The following FGFR2 variants were observed in gnomAD, a reference collection of about 807,000 sequenced individuals.
FGFR2 encodes fibroblast growth factor receptor 2.
FGFR2 carries 19 observed loss-of-function variants against 95.9 expected under a neutral mutation model. That is an observed-to-expected ratio of 0.20 (90% CI 0.14 to 0.29). FGFR2 has a LOEUF of 0.29. Ranked by LOEUF, FGFR2 falls within the 10% of genes least tolerant of loss-of-function variation. The probability of loss-of-function intolerance (pLI) is 1.00; values close to 1 mark genes in which losing one functional copy is unlikely to be tolerated. For synonymous variants in FGFR2, 392 were observed against 393.3 expected (o/e 1.00, Z 0.04); for missense variants, 707 against 1,056.9 (o/e 0.67, Z 4.59).
rs1298138650 is a variant in FGFR2, at chr10:121,593,721, A to T, written c.97T>A (p.Leu33Ile). The T allele has an allele frequency of 2.5e-6, 4 of 1,613,866 alleles. No individual in the cohort carries two copies. The highest frequency in any genetic ancestry group is 3.4e-6 in the Non-Finnish European group (4 of 1,179,876). ...PSFSLVEDTT[L>I]EPEEPPTKYQ... The stretch of plus-strand genomic sequence containing the variant: ...TTAAATGACTTACCTTCTGGCTCTA[A>T]TGTGGTATCCTCAACTAAACTGAAG... Residue 33 changes from leucine to isoleucine, a missense_variant, in exon 2 of 18, where the codon TTA becomes ATA. Around this residue, in one of 7 missense-constraint regions of FGFR2, gnomAD observed 178 missense variants for 194.1 expected, o/e 0.92. Coordinates refer to ENST00000358487, the MANE Select transcript of FGFR2 (RefSeq NM_000141.5).
intron 5 of FGFR2, among the ~76,000 whole-genome samples, chr10:121,547,396 T>G (rs1053155992): frequency 1.4e-5 from 2 of 147,228 alleles, no homozygotes; most frequent in African/African-American, 2.7e-5. Context: ...GGTACCTTTT[T>G]TTTCTTTTTT....
chr10:121,590,991 A>G (rs553349888), intron 2 of FGFR2, among the ~76,000 whole-genome samples: 15 of 138,526 alleles, frequency 1.1e-4, no homozygotes, highest in African/African-American at 3.0e-4. Flanking sequence ...GCACTCGCGC[A>G]CACACACACA....
rs2133824809 is a variant in FGFR2, at chr10:121,487,407, C to T, written c.2004G>A (p.Lys668=). 6.2e-7 allele frequency: 1 copy of T among 1,614,176 alleles called. No homozygotes were observed. Among genetic ancestry groups the T allele is most frequent in the Non-Finnish European group, 8.5e-7 (1 of 1,180,006 alleles). ...CAAACAGGGCTTCTGGAGCCATCCACTTGACTGGAAGCCGCCCCTGCAAAT... is the reference window on the plus strand; with the variant it reads ...CAAACAGGGCTTCTGGAGCCATCCATTTGACTGGAAGCCGCCCCTGCAAAT... ...KKTTNGRLPV[K]WMAPEALFDR... The change falls in exon 15 of 18, where the codon AAG becomes AAA. Residue 668 remains lysine, a synonymous_variant. Transcript: ENST00000358487.
At chr10:121,541,851 C>T (rs1853803199) in intron 5 of FGFR2, among the ~76,000 whole-genome samples, 1 of 152,194 alleles carries the variant, frequency 6.6e-6, no homozygotes, top group Admixed American at 6.5e-5. Flanking sequence ...AAATAACTTG[C>T]TGGTACCTAT....
intron 4 of FGFR2, chr10:121,564,237 G>C (rs1857354710): frequency 1.9e-6 from 1 of 525,186 alleles, no homozygotes; most frequent in African/African-American, 1.9e-5. Flanking sequence ...AAAGGGAAAA[G>C]GGAAAATCAA....
At position 121,483,892 on chromosome 10, in the gene FGFR2, G is replaced by A. The variant is rs376539323; in HGVS notation, c.2196-89C>T. 1.2e-4 allele frequency: 110 copies of A among 945,392 alleles called. 1 individual carries two copies. Among genetic ancestry groups the A allele is most frequent in the East Asian group, 5.7e-4 (22 of 38,550 alleles). 58.6% of individuals were successfully genotyped at this position (945,392 alleles called of 1,614,324 possible). A position where few individuals can be genotyped will look rare whatever the true frequency, so the allele number is the denominator to read the frequency against. On this transcript the variant is annotated intron_variant, in intron 16 of 17. Transcript: ENST00000358487. ...TTAATAGGCAATATGGGGACGTGGT[G>A]TAAATTAGGAAAATGCATCAGAACC...
intron 2 of FGFR2, among the ~76,000 whole-genome samples, chr10:121,586,052 A>G (rs1455412481): frequency 6.6e-6 from 1 of 152,194 alleles, no homozygotes; most frequent in African/African-American, 2.4e-5. Context: ...ACATACACAC[A>G]CCATAGATAC....
chr10:121,591,649 C>T (rs535819747), intron 2 of FGFR2, among the ~76,000 whole-genome samples: 52 of 152,316 alleles, frequency 3.4e-4, no homozygotes, highest in African/African-American at 1.2e-3. Flanking sequence ...AGGTTTTGCA[C>T]CTTCCTCTAA....
intron 2 of FGFR2, among the ~76,000 whole-genome samples, chr10:121,591,286 C>T (rs562812187): frequency 2.2e-4 from 33 of 152,346 alleles, no homozygotes; most frequent in African/African-American, 7.7e-4. Flanking sequence ...AAACAACTTT[C>T]TTCTCAACTG....
At chr10:121,569,131 G>A (rs191190172) in intron 2 of FGFR2, among the ~76,000 whole-genome samples, 3 of 152,254 alleles carry the variant, frequency 2.0e-5, no homozygotes. Context: ...CTTCAAGGCG[G>A]AAGATGCTTG....
intron 3 of FGFR2, 116 bp downstream of exon 3, chr10:121,565,322 T>A (rs1433833134): frequency 1.5e-6 from 2 of 1,349,952 alleles, no homozygotes; most frequent in Non-Finnish European, 2.1e-6. Flanking sequence ...TCAAAAACTA[T>A]GAAGCTGTAT....
intron 5 of FGFR2, among the ~76,000 whole-genome samples, chr10:121,548,273 TTTTTTTG>T (rs1773850797): frequency 7.7e-6 from 1 of 130,052 alleles, no homozygotes. Flanking sequence ...TTTTTTTTTT[TTTTTTTG>T]GTAAAGCAAA....
intron 4 of FGFR2, among the ~76,000 whole-genome samples, chr10:121,558,603 G>GTTTTTTTT (rs200830608): frequency 6.7e-6 from 1 of 148,280 alleles, no homozygotes; most frequent in African/African-American, 2.6e-5. Flanking sequence ...AATAGATACA[G>GTTTTTTTT]TTTTTTGTTT....
chr10:121,534,949 C>A (rs1852627298), intron 6 of FGFR2, among the ~76,000 whole-genome samples: 1 of 152,060 alleles, frequency 6.6e-6, no homozygotes, highest in African/African-American at 2.4e-5. Flanking sequence ...GGAATGTGAC[C>A]TTATTTGAAG....
chr10:121,534,256 C>G (rs12244943), intron 6 of FGFR2, among the ~76,000 whole-genome samples: 15,546 of 151,338 alleles, frequency 0.1, 2,655 homozygotes, highest in African/African-American at 0.35. Flanking sequence ...CTGCCACCAC[C>G]CCTGGGTAAT....
At chr10:121,533,730 C>T (rs1157722363) in intron 6 of FGFR2, among the ~76,000 whole-genome samples, 1 of 152,194 alleles carries the variant, frequency 6.6e-6, no homozygotes, top group African/African-American at 2.4e-5. Context: ...TGAAACACAC[C>T]ACAGTGAACA....
intron 5 of FGFR2, among the ~76,000 whole-genome samples, chr10:121,539,507 CCT>C (rs1382007514): frequency 1.3e-5 from 2 of 152,172 alleles, no homozygotes. Context: ...ATGTTCTCCC[CCT>C]GCTTTTCAAA....
chr10:121,501,015 A>G (rs1002145359), intron 10 of FGFR2, 68 bp from the exon 11 acceptor site: 14 of 1,603,292 alleles, frequency 8.7e-6, no homozygotes, highest in Non-Finnish European at 1.2e-5. Flanking sequence ...AAATTCCAGA[A>G]CTAAATATAA....
intron 17 of FGFR2, among the ~76,000 whole-genome samples, chr10:121,481,389 G>GACAC (rs71868012): frequency 6.7e-5 from 10 of 150,018 alleles, no homozygotes; most frequent in East Asian, 2.0e-4. Context: ...CATTTTTAAA[G>GACAC]ACACACACAC....
Sources: allele counts gnomAD v4.1 joint callset (sites outside exome capture counted in the v4.1 genomes callset), GRCh38; gene constraint gnomAD v4.1.1; regional missense constraint gnomAD v4.1.1; transcripts MANE v1.5; gene names NCBI Gene and HGNC (gene_info 2026-07-23, HGNC 2026-07-21).